DCLK1: variants seen among roughly 807,000 people sequenced by gnomAD.
The protein encoded by DCLK1 is serine/threonine-protein kinase DCLK1.
In DCLK1, 16 loss-of-function variants were observed where a neutral mutation model predicts 86.2. The ratio of observed to expected loss-of-function variants is 0.19; its 90% CI spans 0.13 to 0.28. The LOEUF is 0.28. DCLK1 is among the 10% of genes least tolerant of loss of function. The probability of loss-of-function intolerance (pLI) is 1.00; values close to 1 mark genes in which losing one functional copy is unlikely to be tolerated. For missense variants in DCLK1, 590 were observed against 940.2 expected (o/e 0.63, Z 4.87); for synonymous variants, 369 against 370.5 (o/e 1.00, Z 0.05).
intron 4 of DCLK1, among the ~76,000 whole-genome samples, chr13:35,943,724 G>A (rs1877214859): frequency 6.6e-6 from 1 of 151,712 alleles, no homozygotes; most frequent in Non-Finnish European, 1.5e-5. Context: ...TCATCCCCAA[G>A]GAGTTCACTG....
chr13:35,949,825 GT>G (rs34920645), intron 3 of DCLK1, among the ~76,000 whole-genome samples: 20,123 of 130,436 alleles, frequency 0.15, 1,104 homozygotes, highest in East Asian at 0.21. Flanking sequence ...ATCTTGGGCA[GT>G]TTTTTTTTTT....
intron 3 of DCLK1, among the ~76,000 whole-genome samples, chr13:36,001,175 T>G (rs1013141849): frequency 1.3e-5 from 2 of 152,164 alleles, no homozygotes; most frequent in Non-Finnish European, 2.9e-5. Context: ...CTTGATCTCC[T>G]GATCTCAGGT....
intron 3 of DCLK1, among the ~76,000 whole-genome samples, chr13:36,069,038 A>G (rs1883868738): frequency 6.6e-6 from 1 of 152,256 alleles, no homozygotes; most frequent in African/African-American, 2.4e-5. Context: ...CAGTGAATAC[A>G]GTTTTCACAT....
At chr13:36,060,811 C>CA (rs1485980852) in intron 3 of DCLK1, among the ~76,000 whole-genome samples, 1 of 152,138 alleles carries the variant, frequency 6.6e-6, no homozygotes, top group African/African-American at 2.4e-5. Flanking sequence ...GGCCATAACT[C>CA]AGACAACCAA....
In DCLK1 at chr13:35,774,633, A is replaced by G; in HGVS notation, c.2125T>C (p.Tyr709His). The G allele has an allele frequency of 6.2e-7, 1 of 1,607,420 alleles. No individual in the cohort carries two copies. Among genetic ancestry groups the G allele is most frequent in the Non-Finnish European group, 8.5e-7 (1 of 1,176,914 alleles). ...TCGGGAGGAGCTGGCTGCGCCTTGT[A>G]CCGGCTCCTCACATCCTGGTTGCGT... ...RRRNQDVRSR[Y>H]KAQPAPPELN... is the part of the protein sequence containing the mutation. Residue 709 changes from tyrosine (Y) to histidine (H), a missense_variant, in exon 17 of 17, where the codon TAC becomes CAC. This residue lies in a region of DCLK1 where 146 missense variants were observed against 190.2 expected (regional missense o/e 0.77). Coordinates refer to ENST00000360631, the MANE Select transcript of DCLK1 (RefSeq NM_001330071.2).
chr13:35,852,505 C>T (rs1422729900), intron 6 of DCLK1, among the ~76,000 whole-genome samples: 3 of 152,302 alleles, frequency 2.0e-5, no homozygotes, highest in Admixed American at 6.5e-5. Flanking sequence ...ACCCTTTGTC[C>T]TCCTAAAACA....
chr13:35,839,156 G>A lies in DCLK1; in HGVS notation c.1056C>T (p.Ser352=). The change falls in exon 7 of 17, where the codon TCC becomes TCT. Residue 352 remains serine, a synonymous_variant. Coordinates refer to ENST00000360631, the MANE Select transcript of DCLK1 (RefSeq NM_001330071.2). ...CTTTGGTGGACGCAAGTGACGTAGA[G>A]GAGCCGCCATGCTGAGAGCTCTGTA... The part of the protein sequence containing the change: ...RKQRSSQHGG[S]STSLASTKVC... The A allele has an allele frequency of 6.3e-7, 1 of 1,587,314 alleles. No individual in the cohort carries two copies. The highest frequency in any genetic ancestry group is 1.2e-5 in the South Asian group (1 of 86,566).
intron 3 of DCLK1, among the ~76,000 whole-genome samples, chr13:36,077,642 G>A (rs919789450): frequency 1.3e-5 from 2 of 152,160 alleles, no homozygotes; most frequent in Admixed American, 1.3e-4. Context: ...AGGAGAGCCA[G>A]ATGCAGTCAA....
chr13:36,052,973 T>C (rs1442146020), intron 3 of DCLK1, among the ~76,000 whole-genome samples: 1 of 152,142 alleles, frequency 6.6e-6, no homozygotes, highest in Non-Finnish European at 1.5e-5. Flanking sequence ...GCTTACAATC[T>C]CTGAGGCAGT....
chr13:35,868,220 A>G (rs1395250719), intron 5 of DCLK1, among the ~76,000 whole-genome samples: 1 of 152,042 alleles, frequency 6.6e-6, no homozygotes, highest in African/African-American at 2.4e-5. Flanking sequence ...GACAGGTTTC[A>G]CTGTGTTAGC....
intron 4 of DCLK1, among the ~76,000 whole-genome samples, chr13:35,939,385 A>G (rs181112439): frequency 6.6e-6 from 1 of 152,310 alleles, no homozygotes; most frequent in African/African-American, 2.4e-5. Context: ...CAAGATAGCT[A>G]TATTAGTTTT....
At chr13:35,825,306 T>G (rs1169617147) in intron 10 of DCLK1, among the ~76,000 whole-genome samples, 2 of 152,270 alleles carry the variant, frequency 1.3e-5, no homozygotes, top group Non-Finnish European at 2.9e-5. Context: ...CGAGCTGTCC[T>G]CAGGGCGTTC....
intron 5 of DCLK1, among the ~76,000 whole-genome samples, chr13:35,867,545 T>C: frequency 6.6e-6 from 1 of 152,138 alleles, no homozygotes; most frequent in East Asian, 1.9e-4. Context: ...TGGAGCAACC[T>C]GTTGATTTTG....
chr13:36,056,039 A>C (rs1333476015), intron 3 of DCLK1, among the ~76,000 whole-genome samples: 1 of 149,384 alleles, frequency 6.7e-6, no homozygotes, highest in African/African-American at 2.5e-5. Context: ...TAGTTCAACC[A>C]TTGTGGAAGT....
chr13:35,848,419 C>T, intron 6 of DCLK1: 5 of 985,208 alleles, frequency 5.1e-6, no homozygotes, highest in Non-Finnish European at 6.0e-6. Flanking sequence ...AGGGACTTTA[C>T]TTTCAAAAAG....
chr13:36,126,706 C>T (rs1886200485), intron 1 of DCLK1, among the ~76,000 whole-genome samples: 2 of 152,118 alleles, frequency 1.3e-5, no homozygotes, highest in Admixed American at 6.5e-5. Flanking sequence ...CTCCTCTGCA[C>T]GCTGTCAGCA....
intron 3 of DCLK1, among the ~76,000 whole-genome samples, chr13:36,034,162 A>G (rs906047522): frequency 6.6e-6 from 1 of 152,200 alleles, no homozygotes; most frequent in African/African-American, 2.4e-5. Flanking sequence ...AAAATTTTAA[A>G]CAAATTAGTC....
chr13:35,913,989 G>C (rs1875210928), intron 4 of DCLK1, among the ~76,000 whole-genome samples: 1 of 152,072 alleles, frequency 6.6e-6, no homozygotes, highest in Non-Finnish European at 1.5e-5. Context: ...ATGTCAGTTA[G>C]TATAGGAAAG....
intron 3 of DCLK1, among the ~76,000 whole-genome samples, chr13:36,080,903 A>C (rs530407763): frequency 6.6e-6 from 1 of 152,024 alleles, no homozygotes; most frequent in Non-Finnish European, 1.5e-5. Flanking sequence ...AATTGTCACA[A>C]CTGGGGGAAG....
Sources: allele counts gnomAD v4.1 joint callset (sites outside exome capture counted in the v4.1 genomes callset), GRCh38; gene constraint gnomAD v4.1.1; regional missense constraint gnomAD v4.1.1; transcripts MANE v1.5; gene names NCBI Gene and HGNC (gene_info 2026-07-23, HGNC 2026-07-21).